Variants in LRRN2 observed in about 807,000 individuals in gnomAD.
LRRN2 encodes leucine rich repeat neuronal 2, also known as leucine-rich repeat neuronal protein 2.
In LRRN2, 10 loss-of-function variants were observed where a neutral mutation model predicts 35.7. The observed-to-expected ratio is 0.28, with a 90% confidence interval of 0.17 to 0.47. The LOEUF is 0.47. Among genes scored for constraint, LRRN2 ranks in the 20% least tolerant of loss-of-function variants. The pLI, the probability that LRRN2 is intolerant of heterozygous loss-of-function variation, is 0.99. For missense variants in LRRN2, 731 were observed against 940.3 expected, an observed-to-expected ratio of 0.78 and a Z score of 2.91; for synonymous variants, 391 against 409.6, an observed-to-expected ratio of 0.95 and a Z score of 0.55.
chr1:204,617,651 C>T lies in LRRN2; in HGVS notation c.*200G>A, dbSNP rs544845406. Reference sequence around the variant, plus strand: ...TTCCTCAGAATGGCAGCAGAGGTGACCCTAGGAGGTAAGGGCAACTTTTTC... The same window carrying T: ...TTCCTCAGAATGGCAGCAGAGGTGATCCTAGGAGGTAAGGGCAACTTTTTC... On this transcript the variant is annotated 3_prime_UTR_variant, in exon 2 of 2. Transcript: ENST00000367177. The T allele has an allele frequency of 2.5e-5, 15 of 611,860 alleles. No homozygotes were observed. Among genetic ancestry groups the T allele is most frequent in the African/African-American group, 2.4e-4 (13 of 54,336 alleles). 37.9% of individuals were successfully genotyped at this position (611,860 alleles called of 1,614,324 possible). A position where few individuals can be genotyped will look rare whatever the true frequency, so the allele number is the denominator to read the frequency against.
chr1:204,674,428 CG>C (rs1206222263), intron 1 of LRRN2, among the ~76,000 whole-genome samples: 1 of 152,142 alleles, frequency 6.6e-6, no homozygotes, highest in Non-Finnish European at 1.5e-5. Context: ...AGACCAACAC[CG>C]GGGAGCTGGC....
intron 1 of LRRN2, among the ~76,000 whole-genome samples, chr1:204,665,606 G>A (rs370033999): frequency 1.3e-5 from 2 of 152,166 alleles, no homozygotes; most frequent in Admixed American, 6.5e-5. Context: ...TCTGTGAAAG[G>A]CCCACCCTGG....
chr1:204,619,854 A>G lies in LRRN2; in HGVS notation c.139T>C (p.Tyr47His). 6.2e-7 allele frequency: 1 copy of G among 1,613,730 alleles called. No individual in the cohort carries two copies. The highest frequency in any genetic ancestry group is 2.2e-5 in the East Asian group (1 of 44,856). ...IRPWYTPRSS[Y>H]REATTVDCND... is the part of the protein sequence containing the mutation. ...CAGTCCACAGTGGTAGCCTCGCGGT[A>G]GGACGAGCGGGGCGTATACCAGGGC... Residue 47 changes from tyrosine to histidine, a missense_variant, in exon 2 of 2, where the codon TAC becomes CAC. Physicochemically the swap from Tyr to His is moderately conservative, Grantham distance 83. Transcript: ENST00000367177.
intron 1 of LRRN2, among the ~76,000 whole-genome samples, chr1:204,658,953 G>A (rs990564332): frequency 2.0e-5 from 3 of 152,188 alleles, no homozygotes; most frequent in African/African-American, 7.2e-5. Context: ...ATTCAAAAGT[G>A]GCAGTCGCTG....
At position 204,617,919 on chromosome 1, in the gene LRRN2, G is replaced by T. The variant is rs11588857; in HGVS notation, c.2074C>A (p.Pro692Thr). ...GAGGATCTGGGCAGCTTCCTCCCTGGATTCCAGGGCAGGACGAGGGGAGCA... is the reference window on the plus strand; with the variant it reads ...GAGGATCTGGGCAGCTTCCTCCCTGTATTCCAGGGCAGGACGAGGGGAGCA... ...VSAPLVLPWN[P>T]GRKLPRSSEG... Residue 692 changes from proline (P) to threonine (T), a missense_variant, in exon 2 of 2, where the codon CCA becomes ACA. Physicochemically the swap from Pro to Thr is conservative, Grantham distance 38 (BLOSUM62 -1). Transcript: ENST00000367177. 2.5e-6 allele frequency: 4 copies of T among 1,613,996 alleles called. No homozygotes were observed. The highest frequency in any genetic ancestry group is 3.4e-6 in the Non-Finnish European group (4 of 1,180,012).
In LRRN2 at chr1:204,664,847, G is replaced by A. The variant is rs368929991; in HGVS notation, c.-227+20473C>T. ...CTCTGGGGTCAGTCCTCTGCCGTCC[G>A]GCAGGCCCATCCTCCACTCCCCATT... On this transcript the variant is annotated intron_variant, in intron 1 of 1. Transcript: ENST00000367177. Among the ~76,000 whole-genome samples, 26 of 152,198 alleles carry A rather than the reference G, an allele frequency of 1.7e-4. 1 individual carries two copies. Among genetic ancestry groups the A allele is most frequent in the African/African-American group, 4.3e-4 (18 of 41,520 alleles).
chr1:204,662,440 A>T lies in LRRN2; in HGVS notation c.-227+22880T>A, dbSNP rs563695489. 8.3e-4 allele frequency among the ~76,000 whole-genome samples: 126 copies of T among 152,314 alleles called. 1 individual carries two copies. Among genetic ancestry groups the T allele is most frequent in the African/African-American group, 3.0e-3 (125 of 41,570 alleles). The stretch of plus-strand genomic sequence containing the variant: ...CAACTTTACAGATGATGAAACTAAG[A>T]CTAAGAGAAGTTCACCAACTTGTCC... On this transcript the variant is annotated intron_variant, in intron 1 of 1. Coordinates refer to ENST00000367177, the MANE Select transcript of LRRN2 (RefSeq NM_201630.2).
intron 1 of LRRN2, among the ~76,000 whole-genome samples, chr1:204,665,108 C>G (rs6674039): frequency 0.02 from 3,047 of 152,120 alleles, 99 homozygotes; most frequent in African/African-American, 0.068. Context: ...GTTCCATTCT[C>G]TTTAGGAAGA....
At chr1:204,643,702 C>T (rs1443305716) in intron 1 of LRRN2, among the ~76,000 whole-genome samples, 2 of 151,980 alleles carry the variant, frequency 1.3e-5, no homozygotes, top group Non-Finnish European at 2.9e-5. Context: ...ATCTACTGTT[C>T]CCTGTCACCC....
chr1:204,627,627 T>C (rs1427829154), intron 1 of LRRN2, among the ~76,000 whole-genome samples: 1 of 152,226 alleles, frequency 6.6e-6, no homozygotes, highest in African/African-American at 2.4e-5. Flanking sequence ...CATTGCTGTC[T>C]GCGTGCACTG....
At chr1:204,620,446 G>C in intron 1 of LRRN2, 1 of 190,728 alleles carries the variant, frequency 5.2e-6, no homozygotes, top group Non-Finnish European at 1.2e-5. Flanking sequence ...GCTAATTTTT[G>C]TATTTTTAGT....
chr1:204,680,909 C>A (rs1451603218), intron 1 of LRRN2, among the ~76,000 whole-genome samples: 3 of 152,146 alleles, frequency 2.0e-5, no homozygotes, highest in Non-Finnish European at 4.4e-5. Context: ...TCAAATATCA[C>A]ATCATTTGGC....
At chr1:204,653,989 T>C in intron 1 of LRRN2, among the ~76,000 whole-genome samples, 1 of 148,958 alleles carries the variant, frequency 6.7e-6, no homozygotes, top group Non-Finnish European at 1.5e-5. Context: ...TGAGCCATAA[T>C]TGTGCCAGTG....
intron 1 of LRRN2, chr1:204,621,872 C>T (rs1666916245): frequency 6.0e-6 from 1 of 167,134 alleles, no homozygotes; most frequent in African/African-American, 2.4e-5. Flanking sequence ...CAAGGAAATG[C>T]ACAAACACTT....
intron 1 of LRRN2, among the ~76,000 whole-genome samples, chr1:204,680,797 C>G (rs528271289): frequency 2.0e-5 from 3 of 152,300 alleles, no homozygotes; most frequent in East Asian, 3.9e-4. Context: ...CATACACACC[C>G]TGGTATCTTT....
At chr1:204,634,067 A>G (rs1328347589) in intron 1 of LRRN2, among the ~76,000 whole-genome samples, 1 of 152,280 alleles carries the variant, frequency 6.6e-6, no homozygotes, top group Non-Finnish European at 1.5e-5. Context: ...CGGCAAGTAC[A>G]AAAGAGTGTA....
chr1:204,624,251 TC>T (rs1330717395), intron 1 of LRRN2, among the ~76,000 whole-genome samples: 1 of 150,164 alleles, frequency 6.7e-6, no homozygotes, highest in East Asian at 2.2e-4. Flanking sequence ...AGGACACTGT[TC>T]CTGTGTGTGT....
intron 1 of LRRN2, chr1:204,626,698 T>C (rs978282862): frequency 6.6e-6 from 1 of 152,130 alleles, no homozygotes; most frequent in Non-Finnish European, 1.5e-5. Context: ...GATTTTTGTG[T>C]CCCTAGAGCC....
At chr1:204,642,067 G>A (rs537680675) in intron 1 of LRRN2, among the ~76,000 whole-genome samples, 7 of 152,360 alleles carry the variant, frequency 4.6e-5, no homozygotes, top group South Asian at 2.1e-4. Flanking sequence ...AAAGCAGCTT[G>A]GAGGGGAGCA....
Sources: allele counts gnomAD v4.1 joint callset (sites outside exome capture counted in the v4.1 genomes callset), GRCh38; gene constraint gnomAD v4.1.1; transcripts MANE v1.5; gene names NCBI Gene and HGNC (gene_info 2026-07-23, HGNC 2026-07-21).